Variants in THRB observed in about 807,000 individuals in gnomAD.
THRB encodes the protein nuclear receptor subfamily 1 group A member 2.
A neutral mutation model predicts 47.8 loss-of-function variants in THRB; 12 were observed. The ratio of observed to expected loss-of-function variants is 0.25; its 90% confidence interval spans 0.16 to 0.41. The LOEUF is 0.41. THRB is among the 10% of genes least tolerant of loss of function. The probability of loss-of-function intolerance (pLI) is 1.00; values close to 1 mark genes in which losing one functional copy is unlikely to be tolerated. For missense variants in THRB, 348 were observed against 589.2 expected (o/e 0.59, Z 4.24); for synonymous variants, 218 against 212.2 (o/e 1.03, Z -0.24).
chr3:24,441,478 C>A (rs1352237991), intron 1 of THRB, among the ~76,000 whole-genome samples: 2 of 152,130 alleles, frequency 1.3e-5, no homozygotes, highest in African/African-American at 2.4e-5. Flanking sequence ...ATTCTGAAAG[C>A]AATGGAGGCA....
chr3:24,428,056 A>G (rs2069954630), intron 1 of THRB, among the ~76,000 whole-genome samples: 1 of 152,034 alleles, frequency 6.6e-6, no homozygotes, highest in African/African-American at 2.4e-5. Flanking sequence ...TTCACCACTA[A>G]TGGTTCCCTG....
chr3:24,218,348 T>A (rs550082486), intron 4 of THRB, among the ~76,000 whole-genome samples: 2 of 147,706 alleles, frequency 1.4e-5, no homozygotes, highest in East Asian at 3.9e-4. Context: ...CTCTCTTTTT[T>A]TTTTTTTTTT....
chr3:24,425,503 G>C (rs556980393), intron 1 of THRB, among the ~76,000 whole-genome samples: 1 of 151,872 alleles, frequency 6.6e-6, no homozygotes, highest in African/African-American at 2.4e-5. Context: ...CCAACAATTG[G>C]AGGTAAGAAA....
chr3:24,388,734 G>A (rs2066325511), intron 1 of THRB, among the ~76,000 whole-genome samples: 1 of 152,002 alleles, frequency 6.6e-6, no homozygotes, highest in Admixed American at 6.6e-5. Context: ...AACCCTGAGG[G>A]CATTTGAGCT....
chr3:24,184,423 C>G (rs2042305019), intron 5 of THRB, among the ~76,000 whole-genome samples: 1 of 152,180 alleles, frequency 6.6e-6, no homozygotes, highest in Non-Finnish European at 1.5e-5. Context: ...TGGGGTGGTC[C>G]ATCCTCTGCT....
Position 24,165,177 on chromosome 3 carries a change from G to A in THRB, c.284-12687C>T, listed in dbSNP as rs775830900. The A allele has an allele frequency of 1.0e-5, 8 of 764,962 alleles. No individual in the cohort carries two copies. The East Asian group carries it at 1.7e-4, about 16-fold the overall frequency. The allele number at this position is 764,962 out of a possible 1,614,324, so 47.4% of individuals were successfully genotyped here. ...TTTCCAGGGTAACTACAGGTATAAG[G>A]CTGATTCACTGCCCAGGCCTGTTCC... On this transcript the variant is annotated intron_variant, in intron 5 of 10. Transcript: ENST00000646209.
chr3:24,416,431 C>A (rs1228961619), intron 1 of THRB, among the ~76,000 whole-genome samples: 1 of 151,784 alleles, frequency 6.6e-6, no homozygotes, highest in East Asian at 2.0e-4. Context: ...AGGAACTGTA[C>A]TTGTAGGATG....
intron 3 of THRB, among the ~76,000 whole-genome samples, chr3:24,275,843 AT>A (rs1238919447): frequency 6.6e-6 from 1 of 152,090 alleles, no homozygotes; most frequent in African/African-American, 2.4e-5. Context: ...TGAGATTCTG[AT>A]TCTACAGTTC....
intron 1 of THRB, among the ~76,000 whole-genome samples, chr3:24,418,940 G>A (rs979496341): frequency 6.6e-6 from 1 of 151,780 alleles, no homozygotes; most frequent in Non-Finnish European, 1.5e-5. Flanking sequence ...TCTAGGAATG[G>A]TGAATATCTA....
chr3:24,285,304 C>T (rs1319891218), intron 3 of THRB, among the ~76,000 whole-genome samples: 1 of 151,572 alleles, frequency 6.6e-6, no homozygotes, highest in East Asian at 1.9e-4. Context: ...AAATTGGAAA[C>T]CATAATTCTC....
intron 3 of THRB, among the ~76,000 whole-genome samples, chr3:24,255,042 A>T (rs2051107679): frequency 6.6e-6 from 1 of 152,196 alleles, no homozygotes; most frequent in Non-Finnish European, 1.5e-5. Context: ...CCTTGGGAAG[A>T]ATGGAAAAAT....
chr3:24,201,864 AAAT>A (rs2044634938), intron 4 of THRB, among the ~76,000 whole-genome samples: 1 of 152,222 alleles, frequency 6.6e-6, no homozygotes, highest in Non-Finnish European at 1.5e-5. Flanking sequence ...ACAGCCAACA[AAAT>A]AATAAAAGCA....
intron 4 of THRB, among the ~76,000 whole-genome samples, chr3:24,220,360 G>A (rs530991103): frequency 6.6e-6 from 1 of 152,236 alleles, no homozygotes; most frequent in East Asian, 1.9e-4. Flanking sequence ...GTGTGGTGGT[G>A]AGTTCCTGTA....
chr3:24,282,776 A>G (rs1294963160), intron 3 of THRB, among the ~76,000 whole-genome samples: 1 of 150,054 alleles, frequency 6.7e-6, no homozygotes, highest in Non-Finnish European at 1.5e-5. Context: ...CCACAGAAAT[A>G]CAAACTACCA....
At chr3:24,426,680 G>C (rs764549447) in intron 1 of THRB, among the ~76,000 whole-genome samples, 1 of 151,946 alleles carries the variant, frequency 6.6e-6, no homozygotes, top group Non-Finnish European at 1.5e-5. Context: ...ACTAAATTCT[G>C]TGTTCTCTGA....
rs140255566 is a variant in THRB, at chr3:24,240,830, T to G, written c.-42-11829A>C. 8.3e-3 allele frequency among the ~76,000 whole-genome samples: 1,269 copies of G among 152,252 alleles called. 19 individuals carry two copies. The highest frequency in any genetic ancestry group is 0.029 in the African/African-American group (1,190 of 41,526). On this transcript the variant is annotated intron_variant, in intron 3 of 10. Coordinates refer to ENST00000646209, the MANE Select transcript of THRB (RefSeq NM_001354712.2). ...CTGGATATACTTTCCAGGGCCCACATGTTGAGAACCACCAGCCTGATCCAT... is the reference window on the plus strand; with the variant it reads ...CTGGATATACTTTCCAGGGCCCACAGGTTGAGAACCACCAGCCTGATCCAT...
chr3:24,362,355 T>C (rs1015643720), intron 1 of THRB, among the ~76,000 whole-genome samples: 4 of 152,162 alleles, frequency 2.6e-5, no homozygotes, highest in African/African-American at 9.6e-5. Context: ...TTCTCCAACA[T>C]GAAGCCTCTG....
intron 1 of THRB, among the ~76,000 whole-genome samples, chr3:24,365,050 G>A (rs1040194815): frequency 2.0e-5 from 3 of 152,056 alleles, no homozygotes; most frequent in Admixed American, 2.0e-4. Context: ...TGTATACCTT[G>A]TATATTACAG....
Position 24,488,559 on chromosome 3 carries a change from T to TC in THRB, c.-261+6092_-261+6093insG, listed in dbSNP as rs914304436. On this transcript the variant is annotated intron_variant, in intron 1 of 10. Coordinates refer to ENST00000646209, the MANE Select transcript of THRB (RefSeq NM_001354712.2). ...GAGTTGGACCATGAATTTGCCTTCT[T>TC]TTTTTTTTTTTAATCTCTAAATCAC... Among the ~76,000 whole-genome samples, 15 of 147,294 alleles carry TC rather than the reference T, an allele frequency of 1.0e-4. No homozygotes were observed. In the Middle Eastern group the frequency reaches 0.014, roughly 138 times the overall value.
Sources: gnomAD v4.1 joint callset for allele counts (sites outside exome capture counted in the v4.1 genomes callset) on GRCh38, gnomAD v4.1.1 for gene constraint, MANE v1.5 for transcripts, NCBI Gene and HGNC (gene_info 2026-07-23, HGNC 2026-07-21) for gene names.